ATXN1: variants seen among roughly 807,000 people sequenced by gnomAD.
ATXN1 encodes ataxin 1.
A neutral mutation model predicts 56.4 loss-of-function variants in ATXN1; 8 were observed. That is an observed-to-expected ratio of 0.14 (90% CI 0.08 to 0.26). ATXN1 has a LOEUF of 0.26. Among genes scored for constraint, ATXN1 ranks in the 10% least tolerant of loss-of-function variants. The pLI is 1.00. For synonymous variants in ATXN1, 514 were observed against 494.6 expected (o/e 1.04, Z -0.52); for missense variants, 987 against 1,106.5 (o/e 0.89, Z 1.53).
chr6:16,729,031 A>G (rs887592950), intron 2 of ATXN1, among the ~76,000 whole-genome samples: 1 of 152,242 alleles, frequency 6.6e-6, no homozygotes, highest in African/African-American at 2.4e-5. Flanking sequence ...TCAGCAATCC[A>G]AACACAGCAG....
At chr6:16,340,317 T>C (rs1761217234) in intron 6 of ATXN1, among the ~76,000 whole-genome samples, 1 of 152,156 alleles carries the variant, frequency 6.6e-6, no homozygotes, top group Admixed American at 6.5e-5. Context: ...GGACTAGAGG[T>C]CAGTCATGAG....
chr6:16,448,892 A>G (rs1189726306), intron 6 of ATXN1, among the ~76,000 whole-genome samples: 1 of 152,210 alleles, frequency 6.6e-6, no homozygotes, highest in African/African-American at 2.4e-5. Context: ...AAGGCTCTAC[A>G]TCTTCAAGAT....
chr6:16,400,451 T>C (rs1057081162), intron 6 of ATXN1, among the ~76,000 whole-genome samples: 4 of 152,132 alleles, frequency 2.6e-5, no homozygotes, highest in East Asian at 1.9e-4. Context: ...CACATGGCCA[T>C]TGGCTTCCAT....
intron 6 of ATXN1, among the ~76,000 whole-genome samples, chr6:16,337,938 C>A (rs887505679): frequency 1.3e-5 from 2 of 152,226 alleles, no homozygotes; most frequent in African/African-American, 4.8e-5. Flanking sequence ...CACTTTGACT[C>A]TCACTTGAAT....
chr6:16,678,286 T>G (rs1758728232), intron 2 of ATXN1, among the ~76,000 whole-genome samples: 2 of 152,216 alleles, frequency 1.3e-5, no homozygotes, highest in Non-Finnish European at 2.9e-5. Context: ...TTTGAGAAAA[T>G]GTACATGTTT....
intron 3 of ATXN1, among the ~76,000 whole-genome samples, chr6:16,634,119 T>C (rs183320181): frequency 2.6e-3 from 394 of 152,344 alleles, no homozygotes; most frequent in Middle Eastern, 6.8e-3. Flanking sequence ...AAATGCCCTT[T>C]TGTCTTCTTT....
intron 3 of ATXN1, among the ~76,000 whole-genome samples, chr6:16,619,871 C>T (rs1241047900): frequency 6.0e-5 from 9 of 150,000 alleles, no homozygotes; most frequent in African/African-American, 1.2e-4. Context: ...AATGAGACTC[C>T]GTCTCTAAGG....
intron 5 of ATXN1, among the ~76,000 whole-genome samples, chr6:16,491,264 T>TATTATTATC (rs1314105089): frequency 8.8e-6 from 1 of 114,192 alleles, no homozygotes; most frequent in Non-Finnish European, 1.7e-5. Flanking sequence ...GGCTAATTAT[T>TATTATTATC]ATTATTATTA....
chr6:16,694,239 C>CTT (rs57275122), intron 2 of ATXN1, among the ~76,000 whole-genome samples: 66 of 132,224 alleles, frequency 5.0e-4, no homozygotes, highest in African/African-American at 1.7e-3. Context: ...TTTGTCACTT[C>CTT]TTTTTTTTTT....
Position 16,430,335 on chromosome 6 carries a change from G to GA in ATXN1, c.-161+55636dup, listed in dbSNP as rs11302453. Among the ~76,000 whole-genome samples the GA allele has an allele frequency of 5.5e-3, 802 of 145,054 alleles. 7 individuals carry two copies. The highest frequency in any genetic ancestry group is 0.011 in the Middle Eastern group (3 of 284). On this transcript the variant is annotated intron_variant, in intron 6 of 7. Transcript: ENST00000436367. ...GCAGGAAAGAGGGAAGGAAGGATAG[G>GA]AAAAAAAAAAAAAGAAAGGGAAAGA...
chr6:16,497,937 T>C (rs941336737), intron 5 of ATXN1, among the ~76,000 whole-genome samples: 2 of 152,172 alleles, frequency 1.3e-5, no homozygotes, highest in African/African-American at 4.8e-5. Context: ...TTTAAGGCTA[T>C]ATGTGCAGGA....
At chr6:16,725,669 A>G (rs764171208) in intron 2 of ATXN1, among the ~76,000 whole-genome samples, 2 of 152,226 alleles carry the variant, frequency 1.3e-5, no homozygotes, top group Non-Finnish European at 2.9e-5. Flanking sequence ...TTGGCCCAGT[A>G]GCTACTCCCA....
chr6:16,689,510 CTTTT>C (rs371753662), intron 2 of ATXN1, among the ~76,000 whole-genome samples: 2 of 126,868 alleles, frequency 1.6e-5, no homozygotes, highest in East Asian at 2.4e-4. Flanking sequence ...CTTTTTTTTT[CTTTT>C]TTTTTTCTTT....
chr6:16,704,310 A>T (rs555865358), intron 2 of ATXN1, among the ~76,000 whole-genome samples: 30 of 149,030 alleles, frequency 2.0e-4, no homozygotes, highest in Admixed American at 1.5e-3. Flanking sequence ...TTCCTTAACT[A>T]TCATTGCCTC....
intron 3 of ATXN1, among the ~76,000 whole-genome samples, chr6:16,640,278 C>T (rs1763684416): frequency 6.6e-6 from 1 of 152,088 alleles, no homozygotes; most frequent in Non-Finnish European, 1.5e-5. Context: ...AACCACACAC[C>T]CCATATAAGG....
intron 6 of ATXN1, among the ~76,000 whole-genome samples, chr6:16,350,878 T>A (rs1477645618): frequency 6.6e-6 from 1 of 152,124 alleles, no homozygotes; most frequent in Non-Finnish European, 1.5e-5. Flanking sequence ...AGGCCAGGAA[T>A]TCGAGACCAG....
chr6:16,654,350 C>T (rs935035674), intron 3 of ATXN1, among the ~76,000 whole-genome samples: 1 of 152,194 alleles, frequency 6.6e-6, no homozygotes, highest in African/African-American at 2.4e-5. Flanking sequence ...TCAAGACCAT[C>T]CTGGCCAACA....
intron 7 of ATXN1, among the ~76,000 whole-genome samples, chr6:16,324,649 G>C (rs1760759679): frequency 6.6e-6 from 1 of 152,224 alleles, no homozygotes; most frequent in South Asian, 2.1e-4. Flanking sequence ...TCGATAGCCA[G>C]GAAAGCTCTC....
chr6:16,734,724 C>T (rs1343495297), intron 2 of ATXN1, among the ~76,000 whole-genome samples: 1 of 152,098 alleles, frequency 6.6e-6, no homozygotes, highest in African/African-American at 2.4e-5. Flanking sequence ...GAACTATGGA[C>T]CTCAAATAAT....
Sources: gnomAD v4.1 joint callset for allele counts (sites outside exome capture counted in the v4.1 genomes callset) on GRCh38, gnomAD v4.1.1 for gene constraint, MANE v1.5 for transcripts, NCBI Gene and HGNC (gene_info 2026-07-23, HGNC 2026-07-21) for gene names.